BCAS3: variants seen among roughly 807,000 people sequenced by gnomAD.
BCAS3 encodes the protein BCAS3 microtubule associated cell migration factor.
BCAS3 carries 53 observed loss-of-function variants against 116.1 expected under a neutral mutation model. The ratio of observed to expected loss-of-function variants is 0.46; its 90% confidence interval spans 0.37 to 0.57. The LOEUF (loss-of-function observed/expected upper bound fraction) is 0.57. Ranked by LOEUF, BCAS3 falls within the 20% of genes least tolerant of loss-of-function variation. The pLI, the probability that BCAS3 is intolerant of heterozygous loss-of-function variation, is 0.00. For synonymous variants in BCAS3, 391 were observed against 408.2 expected, an observed-to-expected ratio of 0.96 and a Z score of 0.51; for missense variants, 917 against 1,165.4, an observed-to-expected ratio of 0.79 and a Z score of 3.10.
At chr17:61,289,548 G>A (rs563217992) in intron 22 of BCAS3, among the ~76,000 whole-genome samples, 22 of 152,226 alleles carry the variant, frequency 1.4e-4, no homozygotes, top group Non-Finnish European at 2.4e-4. Flanking sequence ...TAAGAGGGAC[G>A]CCAGCCTGTC....
At chr17:61,119,522 T>C (rs1601398492) in intron 22 of BCAS3, among the ~76,000 whole-genome samples, 2 of 152,120 alleles carry the variant, frequency 1.3e-5, no homozygotes, top group South Asian at 4.1e-4. Flanking sequence ...AATAGAAAGA[T>C]GTCTTCTTTA....
chr17:60,734,667 T>G (rs2040792476), intron 5 of BCAS3, among the ~76,000 whole-genome samples: 1 of 152,234 alleles, frequency 6.6e-6, no homozygotes, highest in African/African-American at 2.4e-5. Flanking sequence ...AACTCTTTGT[T>G]CTGTCCCATT....
rs1362990879 is a variant in BCAS3, at chr17:61,361,390, T to C, written c.2426-6937T>C. Among the ~76,000 whole-genome samples the C allele has an allele frequency of 6.6e-6, 1 of 152,142 alleles. No individual in the cohort carries two copies. The highest frequency in any genetic ancestry group is 1.5e-5 in the Non-Finnish European group (1 of 68,020). ...TAACTGTGTTAGATTGCAAAGAAATTCTTAGTCCAATTGCCATTGAACTCC... is the reference window on the plus strand; with the variant it reads ...TAACTGTGTTAGATTGCAAAGAAATCCTTAGTCCAATTGCCATTGAACTCC... On this transcript the variant is annotated intron_variant, in intron 22 of 23. Transcript: ENST00000407086. This position sits in a 1 kb window ranked among gnomAD's most constrained non-coding sequence, Gnocchi z 6.5.
At chr17:61,042,781 C>G (rs2067624222) in intron 19 of BCAS3, among the ~76,000 whole-genome samples, 1 of 148,954 alleles carries the variant, frequency 6.7e-6, no homozygotes, top group African/African-American at 2.5e-5. Context: ...TCCCAGCTAC[C>G]TGGGAGGCTG....
intron 22 of BCAS3, among the ~76,000 whole-genome samples, chr17:61,113,348 A>ATT (rs2075224699): frequency 2.6e-4 from 1 of 3,822 alleles, no homozygotes; most frequent in South Asian, 0.062. Flanking sequence ...TAGCAAGACT[A>ATT]ATAAAGAAAA....
intron 3 of BCAS3, chr17:60,689,073 CTTAT>C (rs2034466350): frequency 6.6e-6 from 1 of 152,178 alleles, no homozygotes; most frequent in African/African-American, 2.4e-5. Flanking sequence ...TTTTCTAAGC[CTTAT>C]TTGTTGACCA....
At position 61,034,340 on chromosome 17, in the gene BCAS3, T is replaced by C. The variant is rs554172884; in HGVS notation, c.1638-326T>C. Among the ~76,000 whole-genome samples the C allele has an allele frequency of 2.0e-5, 3 of 152,360 alleles. No individual in the cohort carries two copies. Among genetic ancestry groups the C allele is most frequent in the East Asian group, 3.9e-4 (2 of 5,188 alleles). On this transcript the variant is annotated intron_variant, in intron 16 of 23. Transcript: ENST00000407086. The surrounding 1 kb of genome is among the most constrained non-coding windows in gnomAD (Gnocchi z 5.0). Reference sequence around the variant, plus strand: ...TATTATTGTGAGATGTTCATGCTGGTACTATTGCTTCACTTTGAAATTTCT... The same window carrying C: ...TATTATTGTGAGATGTTCATGCTGGCACTATTGCTTCACTTTGAAATTTCT...
rs1270588451 is a variant in BCAS3, at chr17:61,228,143, GC to G, written c.2426-140183del. On this transcript the variant is annotated intron_variant, in intron 22 of 23. Coordinates refer to ENST00000407086, the MANE Select transcript of BCAS3 (RefSeq NM_017679.5). This position sits in a 1 kb window ranked among gnomAD's most constrained non-coding sequence, Gnocchi z 5.0. ...GCAGTAGGACCTTCCTCAATTTTCA[GC>G]AAGTAGGACTCCTTATTTGAAGGAC... 1.4e-4 allele frequency among the ~76,000 whole-genome samples: 21 copies of G among 152,130 alleles called. No individual in the cohort carries two copies. The highest frequency in any genetic ancestry group is 1.5e-5 in the Non-Finnish European group (1 of 68,038).
intron 13 of BCAS3, among the ~76,000 whole-genome samples, chr17:60,946,980 A>T (rs1158819385): frequency 6.6e-6 from 1 of 152,212 alleles, no homozygotes; most frequent in East Asian, 1.9e-4. Flanking sequence ...TGCTAGTTTT[A>T]CAGGAATGCC....
chr17:61,252,178 T>C (rs1348606595), intron 22 of BCAS3, among the ~76,000 whole-genome samples: 3 of 152,246 alleles, frequency 2.0e-5, no homozygotes, highest in Admixed American at 2.0e-4. Context: ...ACGTTTTGTT[T>C]AGAGTTCAGT....
intron 22 of BCAS3, among the ~76,000 whole-genome samples, chr17:61,319,927 G>C (rs1333418167): frequency 1.5e-5 from 2 of 130,742 alleles, no homozygotes; most frequent in African/African-American, 6.0e-5. Flanking sequence ...GTCTTGCTCT[G>C]TCACCCAGGC....
chr17:60,781,016 T>C (rs2045779838), intron 6 of BCAS3, among the ~76,000 whole-genome samples: 2 of 152,048 alleles, frequency 1.3e-5, no homozygotes, highest in Admixed American at 6.5e-5. Context: ...TCCCCCAGGC[T>C]GGAGTGCAGT....
At chr17:60,895,783 T>G (rs983708048) in intron 10 of BCAS3, among the ~76,000 whole-genome samples, 2 of 152,212 alleles carry the variant, frequency 1.3e-5, no homozygotes, top group Non-Finnish European at 2.9e-5. Flanking sequence ...ATTGACTCAG[T>G]AGTGTTCAGG....
At position 61,364,552 on chromosome 17, in the gene BCAS3, CA is replaced by C. The variant is rs536459489; in HGVS notation, c.2426-3769del. ...GCAACATGGTGAAACCCCATCTTGA[CA>C]AAAAATTAGCTGGGCATGGTGGTGC... is the stretch of plus-strand genomic sequence containing the variant. On this transcript the variant is annotated intron_variant, in intron 22 of 23. Transcript: ENST00000407086. This position sits in a 1 kb window ranked among gnomAD's most constrained non-coding sequence, Gnocchi z 5.4. 9.9e-5 allele frequency among the ~76,000 whole-genome samples: 15 copies of C among 152,164 alleles called. No homozygotes were observed. In the South Asian group the frequency reaches 2.9e-3, roughly 29 times the overall value.
At chr17:61,155,642 C>T (rs2077791846) in intron 22 of BCAS3, among the ~76,000 whole-genome samples, 1 of 152,164 alleles carries the variant, frequency 6.6e-6, no homozygotes, top group Non-Finnish European at 1.5e-5. Flanking sequence ...AAACTGGCGA[C>T]AGTCATACAA....
At chr17:61,003,815 A>G (rs1426678154) in intron 15 of BCAS3, 2 of 152,142 alleles carry the variant, frequency 1.3e-5, no homozygotes, top group Non-Finnish European at 2.9e-5. Context: ...CAACAAATCA[A>G]TACTAAGGAA....
At chr17:60,966,931 T>A (rs1264126393) in intron 14 of BCAS3, among the ~76,000 whole-genome samples, 1 of 152,074 alleles carries the variant, frequency 6.6e-6, no homozygotes, top group Non-Finnish European at 1.5e-5. Flanking sequence ...CAGATGTGAG[T>A]TACCATGCCT....
At chr17:60,711,159 T>C (rs1001944918) in intron 5 of BCAS3, among the ~76,000 whole-genome samples, 6 of 152,046 alleles carry the variant, frequency 3.9e-5, no homozygotes, top group Admixed American at 6.6e-5. Flanking sequence ...ATTTTTTTTT[T>C]TTTTTTAACT....
intron 4 of BCAS3, among the ~76,000 whole-genome samples, chr17:60,701,444 C>T (rs1460175087): frequency 6.6e-6 from 1 of 151,956 alleles, no homozygotes; most frequent in Non-Finnish European, 1.5e-5. Flanking sequence ...TATAGTTGAC[C>T]CTTTAATAAT....
Sources: gnomAD v4.1 joint callset for allele counts (sites outside exome capture counted in the v4.1 genomes callset) on GRCh38, gnomAD v4.1.1 for gene constraint, Gnocchi (gnomAD v3.1) non-coding constraint, MANE v1.5 for transcripts, NCBI Gene and HGNC (gene_info 2026-07-23, HGNC 2026-07-21) for gene names.